The following C4orf36 variants were observed in gnomAD, a reference collection of about 807,000 sequenced individuals.
C4orf36 encodes uncharacterized protein C4orf36.
A neutral mutation model predicts 12.2 loss-of-function variants in C4orf36; 11 were observed. The ratio of observed to expected loss-of-function variants is 0.90; its 90% confidence interval spans 0.57 to 1.49. The LOEUF (loss-of-function observed/expected upper bound fraction) is 1.49. C4orf36 is among the 40% of genes most tolerant of loss of function. The pLI, the probability that C4orf36 is intolerant of heterozygous loss-of-function variation, is 0.00. For missense variants in C4orf36, 137 were observed against 133.9 expected (o/e 1.02, Z -0.11); for synonymous variants, 54 against 51.3 (o/e 1.05, Z -0.22).
At chr4:86,884,952 A>G (rs997862330) in intron 4 of C4orf36, among the ~76,000 whole-genome samples, 3 of 152,198 alleles carry the variant, frequency 2.0e-5, no homozygotes, top group Admixed American at 6.5e-5. Context: ...CCATTTGTTA[A>G]ATAGGGAATC....
At chr4:86,918,687 C>T in the C4orf36 span, among the ~76,000 whole-genome samples, 1 of 152,064 alleles carries the variant, frequency 6.6e-6, no homozygotes, top group East Asian at 1.9e-4. Flanking sequence ...TACTGCTAAA[C>T]CACGAGGACA....
intron 4 of C4orf36, among the ~76,000 whole-genome samples, chr4:86,886,102 A>G (rs1045791848): frequency 1.3e-4 from 20 of 152,192 alleles, no homozygotes; most frequent in African/African-American, 4.1e-4. Context: ...TCAGTTTGCC[A>G]GTATTTTATT....
chr4:86,902,439 A>AAAAAAAAAG, the C4orf36 span, among the ~76,000 whole-genome samples: 8 of 140,956 alleles, frequency 5.7e-5, no homozygotes, highest in South Asian at 2.2e-4. Flanking sequence ...AAAAAAAAAA[A>AAAAAAAAAG]AAAGAAAGAA....
chr4:86,880,146 G>A (rs1747017238), intron 4 of C4orf36, among the ~76,000 whole-genome samples: 2 of 152,280 alleles, frequency 1.3e-5, no homozygotes, highest in African/African-American at 4.8e-5. Flanking sequence ...GAACCACTGA[G>A]CCCAGCCTAC....
chr4:86,935,473 A>G, the C4orf36 span: 1 of 152,572 alleles, frequency 6.6e-6, no homozygotes, highest in African/African-American at 2.4e-5. Context: ...TAGCGCGTAG[A>G]AAAACAGGGG....
the C4orf36 span, among the ~76,000 whole-genome samples, chr4:86,910,976 AG>A: frequency 6.6e-6 from 1 of 151,950 alleles, no homozygotes; most frequent in Admixed American, 6.6e-5. Context: ...CCAGCTACTC[AG>A]GGGGCTGAGG....
At chr4:86,900,182 C>A in the C4orf36 span, among the ~76,000 whole-genome samples, 1 of 123,718 alleles carries the variant, frequency 8.1e-6, no homozygotes, top group Non-Finnish European at 1.9e-5. Flanking sequence ...ACTACAGGCG[C>A]CTGCCACACC....
At chr4:86,895,223 G>A (rs1024639481), upstream of C4orf36, among the ~76,000 whole-genome samples, 1 of 152,110 alleles carries the variant, frequency 6.6e-6, no homozygotes, top group African/African-American at 2.4e-5. Flanking sequence ...GGCTGAGGCA[G>A]GAGGATCCCT....
At chr4:86,910,099 C>T in the C4orf36 span, among the ~76,000 whole-genome samples, 1 of 152,126 alleles carries the variant, frequency 6.6e-6, no homozygotes, top group Non-Finnish European at 1.5e-5. Flanking sequence ...CTGCTTCTCT[C>T]TGTGCACTTG....
chr4:86,881,217 T>C (rs1170814908), intron 4 of C4orf36, among the ~76,000 whole-genome samples: 1 of 152,150 alleles, frequency 6.6e-6, no homozygotes, highest in Non-Finnish European at 1.5e-5. Flanking sequence ...CTGACATCAA[T>C]ACCAAAGTAG....
At chr4:86,880,391 T>G (rs536721104) in intron 4 of C4orf36, among the ~76,000 whole-genome samples, 3 of 152,154 alleles carry the variant, frequency 2.0e-5, no homozygotes, top group Admixed American at 6.5e-5. Flanking sequence ...GAGTTGGAGG[T>G]TGCAGTAAGC....
chr4:86,927,799 C>A, the C4orf36 span, among the ~76,000 whole-genome samples: 4 of 145,224 alleles, frequency 2.8e-5, no homozygotes, highest in African/African-American at 1.0e-4. Context: ...GGCTCCATTT[C>A]AAAAAAAAAA....
upstream of C4orf36, among the ~76,000 whole-genome samples, chr4:86,893,397 AC>A (rs1385632067): frequency 6.6e-6 from 1 of 152,132 alleles, no homozygotes; most frequent in African/African-American, 2.4e-5. Context: ...AGCCTGGCCA[AC>A]CGACATGGTG....
upstream of C4orf36, among the ~76,000 whole-genome samples, chr4:86,896,271 G>A (rs937915571): frequency 6.6e-6 from 1 of 152,150 alleles, no homozygotes; most frequent in Non-Finnish European, 1.5e-5. Context: ...CAAGGTTTTA[G>A]ATTACACATT....
intron 4 of C4orf36, among the ~76,000 whole-genome samples, chr4:86,885,531 T>G (rs985858334): frequency 1.4e-4 from 21 of 152,206 alleles, no homozygotes; most frequent in Non-Finnish European, 2.5e-4. Context: ...ATGCTTGTGA[T>G]TTTTGCACAT....
At chr4:86,920,663 A>G in the C4orf36 span, among the ~76,000 whole-genome samples, 1 of 152,316 alleles carries the variant, frequency 6.6e-6, no homozygotes, top group East Asian at 1.9e-4. Context: ...GCTAGAGAGC[A>G]TGCTCAAGAG....
intron 2 of C4orf36, among the ~76,000 whole-genome samples, chr4:86,889,236 G>C (rs1344393963): frequency 3.3e-5 from 5 of 151,848 alleles, no homozygotes; most frequent in African/African-American, 1.2e-4. Flanking sequence ...TGTAATCCCA[G>C]CTACTTGAAC....
At chr4:86,936,121 A>G in the C4orf36 span, 51 of 152,230 alleles carry the variant, frequency 3.4e-4, 1 homozygote, top group East Asian at 9.7e-3. Context: ...TCATCCCGGG[A>G]AGGCACTTGG....
chr4:86,918,816 T>C, the C4orf36 span, among the ~76,000 whole-genome samples: 8 of 142,910 alleles, frequency 5.6e-5, no homozygotes, highest in South Asian at 2.1e-4. Context: ...TGTGCGTGTG[T>C]GTGTGTGTGT....
Sources: gnomAD v4.1 joint callset for allele counts (sites outside exome capture counted in the v4.1 genomes callset) on GRCh38, gnomAD v4.1.1 for gene constraint, MANE v1.5 for transcripts, NCBI Gene and HGNC (gene_info 2026-07-23, HGNC 2026-07-21) for gene names.